TMEM35B: variants seen among roughly 807,000 people sequenced by gnomAD.
The protein encoded by TMEM35B is transmembrane protein 35B.
In TMEM35B, 6 loss-of-function variants were observed where a neutral mutation model predicts 8.7. That is an observed-to-expected ratio of 0.69 (90% CI 0.38 to 1.36). TMEM35B has a LOEUF of 1.36. Ranked by LOEUF, TMEM35B falls within the 40% of genes most tolerant of loss-of-function variation. The pLI is 0.02. For missense variants in TMEM35B, 176 were observed against 181.6 expected, an observed-to-expected ratio of 0.97 and a Z score of 0.18; for synonymous variants, 89 against 87.0, an observed-to-expected ratio of 1.02 and a Z score of -0.13.
chr1:34,984,090 A>T, intron 1 of TMEM35B, 143 bp from the exon 2 acceptor site: 1 of 769,842 alleles, frequency 1.3e-6, no homozygotes, highest in East Asian at 3.3e-5. Flanking sequence ...GGCTGAGGTC[A>T]GCCTGAAGAG....
At chr1:34,985,231 C>T (rs747492102) in exon 1 of TMEM35B, 2 of 1,545,262 alleles carry the variant, frequency 1.3e-6, no homozygotes, top group African/African-American at 2.8e-5. Flanking sequence ...AGATCTCCTC[C>T]GAGAGCTTGG....
chr1:34,984,763 C>T (rs1640546713), intron 1 of TMEM35B, among the ~76,000 whole-genome samples: 1 of 152,196 alleles, frequency 6.6e-6, no homozygotes, highest in Admixed American at 6.5e-5. Flanking sequence ...AGCAGATATA[C>T]TTGCCCTTCA....
chr1:34,984,019 T>C, intron 1 of TMEM35B, 72 bp from the exon 2 acceptor site: 1 of 1,331,014 alleles, frequency 7.5e-7, no homozygotes. Flanking sequence ...CTCCATGGCA[T>C]ATCTATGCCT....
In TMEM35B at chr1:34,982,090, CTT is replaced by C. The variant is rs2148437794; in HGVS notation, c.317_318del (p.Lys106ArgfsTer29). 21 of 1,547,834 alleles carry C rather than the reference CTT, an allele frequency of 1.4e-5. No homozygotes were observed. The highest frequency in any genetic ancestry group is 1.7e-5 in the Non-Finnish European group (19 of 1,146,496). ...GCTGGGATACAGGTGCTTAGTGACTCTTTCAGAGCTGCCAAGGTGAAGATAGC... is the reference window on the plus strand; with the variant it reads ...GCTGGGATACAGGTGCTTAGTGACTCTCAGAGCTGCCAAGGTGAAGATAGC... On this transcript the variant is annotated frameshift_variant, in exon 3 of 3. Transcript: ENST00000373337. LOFTEE classifies it low-confidence loss of function (END_TRUNC).
At chr1:34,981,598 AT>A (rs200586766) in exon 3 of TMEM35B, 16 of 155,258 alleles carry the variant, frequency 1.0e-4, no homozygotes, top group African/African-American at 3.1e-4. Context: ...TTTTATTTTC[AT>A]TTAAAAAAAA....
intron 2 of TMEM35B, among the ~76,000 whole-genome samples, chr1:34,982,805 A>C (rs752252132): frequency 1.3e-5 from 2 of 152,070 alleles, no homozygotes; most frequent in Non-Finnish European, 2.9e-5. Flanking sequence ...ACATCTACTA[A>C]GATTAAGATG....
chr1:34,981,608 A>T (rs74064104), exon 3 of TMEM35B: 4,000 of 155,814 alleles, frequency 0.026, 175 homozygotes, highest in African/African-American at 0.086. Context: ...ATTTAAAAAA[A>T]ATATATATCT....
exon 3 of TMEM35B, chr1:34,981,806 A>G: frequency 1.3e-6 from 1 of 750,824 alleles, no homozygotes; most frequent in Non-Finnish European, 1.9e-6. Flanking sequence ...CTAAAAAGAG[A>G]AAGCAGTGCC....
At chr1:34,982,176 G>A (rs972120960) in intron 2 of TMEM35B, 57 bp from the exon 3 acceptor site, 10 of 1,464,194 alleles carry the variant, frequency 6.8e-6, no homozygotes, top group African/African-American at 1.4e-5. Context: ...AGATCCAGGA[G>A]CTCAGGGCTC....
At chr1:34,985,274 A>C in exon 1 of TMEM35B, 2 of 1,544,082 alleles carry the variant, frequency 1.3e-6, no homozygotes, top group Non-Finnish European at 1.7e-6. Context: ...GCCGCCCAGC[A>C]GTACACGCAG....
rs1640553386 is a variant in TMEM35B at position 34,985,147 on chromosome 1, A to T, written c.108+51T>A. On this transcript the variant is annotated intron_variant, in intron 1 of 2. Coordinates refer to ENST00000373337, the Ensembl canonical transcript of TMEM35B. ...CCGGGGGCGAGGAGCGGCAGGGCGGAGCACACGCCGCCGCGGGCCCGATCC... is the reference window on the plus strand; with the variant it reads ...CCGGGGGCGAGGAGCGGCAGGGCGGTGCACACGCCGCCGCGGGCCCGATCC... The T allele has an allele frequency of 3.5e-6, 5 of 1,417,962 alleles. No homozygotes were observed. In the Admixed American group the frequency reaches 1.1e-4, roughly 32 times the overall value. The allele number at this position is 1,417,962 out of a possible 1,614,324, so 87.8% of individuals were successfully genotyped here.
intron 2 of TMEM35B, among the ~76,000 whole-genome samples, 187 bp downstream of exon 2, chr1:34,983,578 CAA>C (rs1163962621): frequency 2.0e-3 from 47 of 23,208 alleles, no homozygotes; most frequent in African/African-American, 4.8e-3. Flanking sequence ...GACTCCATCT[CAA>C]AAAAAAAAAA....
At chr1:34,985,337 G>A (rs1323756035) in exon 1 of TMEM35B, 1 of 1,497,776 alleles carries the variant, frequency 6.7e-7, no homozygotes, top group South Asian at 1.2e-5. Flanking sequence ...GGTTGGCCCC[G>A]CCGAAAACCC....
chr1:34,983,375 G>A (rs907100140), intron 2 of TMEM35B, among the ~76,000 whole-genome samples: 1 of 151,870 alleles, frequency 6.6e-6, no homozygotes, highest in African/African-American at 2.4e-5. Context: ...TCAGGAGATC[G>A]AGACCATCCT....
chr1:34,985,028 G>A (rs1391053207), intron 1 of TMEM35B, among the ~76,000 whole-genome samples, 170 bp downstream of exon 1: 3 of 152,104 alleles, frequency 2.0e-5, no homozygotes, highest in Admixed American at 6.5e-5. Context: ...AGAACTCGAG[G>A]AACTCCCCAG....
intron 1 of TMEM35B, 122 bp from the exon 2 acceptor site, chr1:34,984,069 G>A: frequency 2.0e-6 from 2 of 1,003,994 alleles, no homozygotes. Context: ...ACTACTCTAG[G>A]TCAGGTCCAG....
chr1:34,985,166 C>T (rs1640554248), intron 1 of TMEM35B, 32 bp downstream of exon 1: 2 of 1,504,032 alleles, frequency 1.3e-6, no homozygotes, highest in Non-Finnish European at 1.8e-6. Flanking sequence ...CGCCGCGGGC[C>T]CGATCCCCTG....
At position 34,985,219 on chromosome 1, in the gene TMEM35B, C is replaced by T. The variant is rs548095208; in HGVS notation, c.87G>A (p.Ser29=). The change falls in exon 1 of 3, where the codon TCG becomes TCA. Residue 29 remains serine, a synonymous_variant. Coordinates refer to ENST00000373337, the Ensembl canonical transcript of TMEM35B. ...TCACCATCCGCTCCGAAACTGGAGC[C>T]GAGATCTCCTCCGAGAGCTTGGCCA... 9.5e-5 allele frequency: 146 copies of T among 1,541,378 alleles called. 1 individual carries two copies. In the South Asian group the frequency reaches 1.5e-3, roughly 16 times the overall value.
intron 2 of TMEM35B, among the ~76,000 whole-genome samples, chr1:34,983,565 C>T (rs1368582279): frequency 3.6e-5 from 4 of 110,284 alleles, no homozygotes; most frequent in East Asian, 3.4e-4. Flanking sequence ...GGCGAAAGAG[C>T]GAGACTCCAT....
Sources: allele counts gnomAD v4.1 joint callset (sites outside exome capture counted in the v4.1 genomes callset), GRCh38; gene constraint gnomAD v4.1.1; transcripts MANE v1.5; gene names NCBI Gene and HGNC (gene_info 2026-07-23, HGNC 2026-07-21).